Variants in GALNTL6 observed in about 807,000 individuals in gnomAD.
GALNTL6 encodes the protein polypeptide N-acetylgalactosaminyltransferase like 6, also known as polypeptide N-acetylgalactosaminyltransferase-like 6.
GALNTL6 carries 46 observed loss-of-function variants against 73.7 expected under a neutral mutation model. The ratio of observed to expected loss-of-function variants is 0.62; its 90% CI spans 0.49 to 0.80. GALNTL6 has a LOEUF of 0.80. Among genes scored for constraint, GALNTL6 ranks in the 30% least tolerant of loss-of-function variants. The pLI is 0.00. For synonymous variants in GALNTL6, 259 were observed against 263.7 expected, an observed-to-expected ratio of 0.98 and a Z score of 0.17; for missense variants, 604 against 755.0, an observed-to-expected ratio of 0.80 and a Z score of 2.34.
chr4:172,993,998 G>C (rs751356676), intron 10 of GALNTL6, among the ~76,000 whole-genome samples: 8 of 152,058 alleles, frequency 5.3e-5, no homozygotes, highest in Admixed American at 5.2e-4. Flanking sequence ...ACCCCAACCC[G>C]TTCATTGTCA....
At chr4:172,924,116 GA>G (rs552339357) in intron 8 of GALNTL6, among the ~76,000 whole-genome samples, 3 of 152,134 alleles carry the variant, frequency 2.0e-5, no homozygotes, top group Non-Finnish European at 2.9e-5. Flanking sequence ...AAAACTTCAA[GA>G]AAAAATCCAA....
At chr4:172,974,925 C>T (rs918243466) in intron 10 of GALNTL6, among the ~76,000 whole-genome samples, 1 of 152,232 alleles carries the variant, frequency 6.6e-6, no homozygotes, top group African/African-American at 2.4e-5. Flanking sequence ...GCTCAGAAGC[C>T]TGGAGACACC....
At chr4:172,501,972 G>A (rs1734276569) in intron 5 of GALNTL6, among the ~76,000 whole-genome samples, 1 of 152,054 alleles carries the variant, frequency 6.6e-6, no homozygotes, top group Non-Finnish European at 1.5e-5. Context: ...CAAATGATTA[G>A]CAAGCATACA....
chr4:172,100,816 T>G (rs188441472), intron 2 of GALNTL6, among the ~76,000 whole-genome samples: 3 of 152,280 alleles, frequency 2.0e-5, no homozygotes, highest in Admixed American at 1.3e-4. Context: ...GTATTAAACC[T>G]TCTCAATGAC....
chr4:172,792,076 C>T (rs1159872583), intron 5 of GALNTL6, among the ~76,000 whole-genome samples: 1 of 152,190 alleles, frequency 6.6e-6, no homozygotes, highest in Non-Finnish European at 1.5e-5. Flanking sequence ...CCCAGGATAA[C>T]TTGATAATAT....
intron 10 of GALNTL6, among the ~76,000 whole-genome samples, chr4:172,993,060 C>T (rs1489550268): frequency 6.6e-6 from 1 of 152,162 alleles, no homozygotes; most frequent in Admixed American, 6.5e-5. Context: ...CTGCCATAAT[C>T]TTTGCAAAGG....
intron 10 of GALNTL6, among the ~76,000 whole-genome samples, chr4:172,976,161 A>G (rs373540533): frequency 8.5e-5 from 13 of 152,300 alleles, no homozygotes; most frequent in African/African-American, 1.4e-4. Context: ...GTATTTAAAA[A>G]GGAGAGAGAA....
chr4:172,034,512 T>C (rs1741877110), intron 2 of GALNTL6, among the ~76,000 whole-genome samples: 1 of 151,714 alleles, frequency 6.6e-6, no homozygotes, highest in African/African-American at 2.4e-5. Flanking sequence ...TCAGCATATA[T>C]ACTGTGGTTA....
At chr4:173,030,088 A>G (rs1332888705) in intron 12 of GALNTL6, among the ~76,000 whole-genome samples, 2 of 152,208 alleles carry the variant, frequency 1.3e-5, no homozygotes, top group African/African-American at 4.8e-5. Context: ...CTCTTCAAAC[A>G]TCTTGCTGAA....
chr4:172,300,079 G>A (rs555785614), intron 3 of GALNTL6, among the ~76,000 whole-genome samples: 1 of 152,282 alleles, frequency 6.6e-6, no homozygotes, highest in South Asian at 2.1e-4. Flanking sequence ...ATATATTTAG[G>A]ATAGTTAGCT....
Position 172,336,858 on chromosome 4 carries a change from C to G in GALNTL6, c.387-11665C>G, listed in dbSNP as rs118033068. On this transcript the variant is annotated intron_variant, in intron 4 of 12. Coordinates refer to ENST00000506823, the MANE Select transcript of GALNTL6 (RefSeq NM_001034845.3). ...TCAGTGAGGTGTTGCAGCACCCCTC[C>G]ACCCCGTCCATTATTGTATGACTGT... Among the ~76,000 whole-genome samples the G allele has an allele frequency of 5.9e-5, 9 of 152,208 alleles. No individual in the cohort carries two copies. In the East Asian group the frequency reaches 1.4e-3, roughly 23 times the overall value.
At chr4:172,853,536 A>T (rs1347520679) in intron 7 of GALNTL6, among the ~76,000 whole-genome samples, 1 of 152,108 alleles carries the variant, frequency 6.6e-6, no homozygotes, top group East Asian at 1.9e-4. Flanking sequence ...AGGCTTTCGT[A>T]CTGATTCTTG....
intron 7 of GALNTL6, among the ~76,000 whole-genome samples, chr4:172,881,526 A>G (rs1561010961): frequency 1.3e-5 from 2 of 152,210 alleles, no homozygotes; most frequent in Non-Finnish European, 2.9e-5. Flanking sequence ...TTTGAAATAT[A>G]TAATACACTT....
At chr4:172,244,169 T>C (rs1198365735) in intron 3 of GALNTL6, among the ~76,000 whole-genome samples, 1 of 152,174 alleles carries the variant, frequency 6.6e-6, no homozygotes, top group East Asian at 1.9e-4. Flanking sequence ...AATTAACTTT[T>C]AATGAAATAT....
intron 5 of GALNTL6, among the ~76,000 whole-genome samples, chr4:172,613,168 T>C (rs1399854631): frequency 1.3e-5 from 2 of 152,072 alleles, no homozygotes; most frequent in Non-Finnish European, 2.9e-5. Flanking sequence ...GATAGACATA[T>C]AGATGCTGGG....
chr4:172,213,771 T>A (rs546396150), intron 2 of GALNTL6, among the ~76,000 whole-genome samples: 91 of 152,252 alleles, frequency 6.0e-4, no homozygotes, highest in African/African-American at 2.1e-3. Flanking sequence ...AAATATTGTC[T>A]TTGGCAAAGC....
At chr4:172,384,444 A>G (rs1010797868) in intron 5 of GALNTL6, among the ~76,000 whole-genome samples, 3 of 152,068 alleles carry the variant, frequency 2.0e-5, no homozygotes, top group African/African-American at 4.8e-5. Flanking sequence ...TCTAAGGCCA[A>G]TAACAATGTT....
At chr4:172,783,456 AACAATATAATATTAT>A (rs1217087753) in intron 5 of GALNTL6, among the ~76,000 whole-genome samples, 5 of 147,632 alleles carry the variant, frequency 3.4e-5, no homozygotes, top group South Asian at 2.1e-4. Flanking sequence ...ATAATATTAT[AACAATATAATATTAT>A]ACACTATTAA....
chr4:173,002,967 T>C (rs1752114110), intron 10 of GALNTL6, among the ~76,000 whole-genome samples: 1 of 152,042 alleles, frequency 6.6e-6, no homozygotes, highest in Non-Finnish European at 1.5e-5. Context: ...TACCAGGGGT[T>C]GGGGGAGAAG....
Sources: gnomAD v4.1 joint callset for allele counts (sites outside exome capture counted in the v4.1 genomes callset) on GRCh38, gnomAD v4.1.1 for gene constraint, MANE v1.5 for transcripts, NCBI Gene and HGNC (gene_info 2026-07-23, HGNC 2026-07-21) for gene names.